The following CTSC variants were observed in gnomAD, a reference collection of about 807,000 sequenced individuals.
CTSC encodes the protein dipeptidyl peptidase 1.
Under a neutral mutation model 40.9 loss-of-function variants are expected in CTSC, and 37 were observed. The ratio of observed to expected loss-of-function variants is 0.91; its 90% CI spans 0.70 to 1.19. The LOEUF is 1.19. Among genes scored for constraint, CTSC ranks in the 50% most tolerant of loss-of-function variants. The probability of loss-of-function intolerance (pLI) is 0.00; values close to 1 mark genes in which losing one functional copy is unlikely to be tolerated. For synonymous variants in CTSC, 232 were observed against 207.4 expected (o/e 1.12, Z -1.02); for missense variants, 594 against 567.3 (o/e 1.05, Z -0.48).
At chr11:88,324,283 C>A (rs756909283) in intron 2 of CTSC, 1 of 740,312 alleles carries the variant, frequency 1.4e-6, no homozygotes. Flanking sequence ...AAATGTAAAA[C>A]CCAAAACAAT....
At chr11:88,320,615 T>C (rs1201824380) in intron 2 of CTSC, among the ~76,000 whole-genome samples, 1 of 152,210 alleles carries the variant, frequency 6.6e-6, no homozygotes, top group Non-Finnish European at 1.5e-5. Context: ...ATCACTGTTT[T>C]TAACTCTGAG....
At chr11:88,321,128 T>C (rs996804714) in intron 2 of CTSC, 11 of 626,116 alleles carry the variant, frequency 1.8e-5, no homozygotes, top group Non-Finnish European at 2.0e-5. Context: ...CCATATTAAA[T>C]ATATATACAT....
intron 4 of CTSC, among the ~76,000 whole-genome samples, chr11:88,302,625 CAAAAAAAAAAAAAAAAAA>C (rs139973958): frequency 1.2e-5 from 1 of 80,052 alleles, no homozygotes; most frequent in Non-Finnish European, 2.3e-5. Context: ...GACTCCGCCT[CAAAAAAAAAAAAAAAAAA>C]AAAAAAAAGA....
At chr11:88,327,986 AT>A in intron 2 of CTSC, 1 of 734,808 alleles carries the variant, frequency 1.4e-6, no homozygotes, top group East Asian at 2.7e-5. Flanking sequence ...CAAGAAATTC[AT>A]AAGAAAACCA....
At chr11:88,334,717 T>C (rs558478503) in intron 2 of CTSC, 1 of 519,536 alleles carries the variant, frequency 1.9e-6, no homozygotes, top group Non-Finnish European at 3.4e-6. Flanking sequence ...ACATAATTTA[T>C]ACATATTCAA....
chr11:88,301,797 CAA>C (rs1366573892), intron 4 of CTSC, among the ~76,000 whole-genome samples: 6 of 92,050 alleles, frequency 6.5e-5, no homozygotes, highest in African/African-American at 2.4e-4. Flanking sequence ...CACACACACA[CAA>C]ACACACGCGC....
rs191579161 is a variant in CTSC at position 88,327,966 on chromosome 11, C to A, written c.318+6971G>T. On this transcript the variant is annotated intron_variant, in intron 2 of 6. Transcript: ENST00000227266. Reference sequence around the variant, plus strand: ...AGACAACTTAGAAACAGCAGACAAGCAGGCTCAAGCAAGAAATTCATAAGA... The same window carrying A: ...AGACAACTTAGAAACAGCAGACAAGAAGGCTCAAGCAAGAAATTCATAAGA... 83 of 688,498 alleles carry A rather than the reference C, an allele frequency of 1.2e-4. No homozygotes were observed. The East Asian group carries it at 2.3e-3, about 19-fold the overall frequency. The allele number at this position is 688,498 out of a possible 1,614,324, so 42.6% of individuals were successfully genotyped here. A position where few individuals can be genotyped will look rare whatever the true frequency, so the allele number is the denominator to read the frequency against.
At position 88,294,225 on chromosome 11, in the gene CTSC, A is replaced by C. The variant is rs17594; in HGVS notation, c.1173T>G (p.Thr391=). 0.049 allele frequency: 79,386 copies of C among 1,613,914 alleles called. 2,639 individuals carry two copies. Among genetic ancestry groups the C allele is most frequent in the East Asian group, 0.13 (5,645 of 44,852 alleles). The change falls in exon 7 of 7, where the codon ACT becomes ACG. Residue 391 remains threonine, a synonymous_variant. Coordinates refer to ENST00000227266, the MANE Select transcript of CTSC (RefSeq NM_001814.6). Reference sequence around the variant, plus strand: ...AGGGGTTGAAAGGGTCTCTTAGACCAGTGTGGTGGTAGATCCCCTTTTTGT... The same window carrying C: ...AGGGGTTGAAAGGGTCTCTTAGACCCGTGTGGTGGTAGATCCCCTTTTTGT... ...LHYKKGIYHH[T]GLRDPFNPFE...
At position 88,294,336 on chromosome 11, in the gene CTSC, G is replaced by A. The variant is rs778723963; in HGVS notation, c.1062C>T (p.Gly354=). Residue 354 remains glycine, a synonymous_variant, in exon 7 of 7, where the codon GGC becomes GGT. Coordinates refer to ENST00000227266, the MANE Select transcript of CTSC (RefSeq NM_001814.6). ...CAAGCTTCATCAGGGCTTCATTGCA[G>A]CCTCCATAGAAACCTCCTACATAGT... The part of the protein sequence containing the change: ...EYHYVGGFYG[G]CNEALMKLEL... 6.2e-7 allele frequency: 1 copy of A among 1,614,118 alleles called. No homozygotes were observed. The highest frequency in any genetic ancestry group is 1.7e-5 in the Admixed American group (1 of 60,008).
chr11:88,295,929 G>T (rs970408382), intron 6 of CTSC, among the ~76,000 whole-genome samples: 1 of 152,164 alleles, frequency 6.6e-6, no homozygotes, highest in Admixed American at 6.5e-5. Context: ...TCAATATATA[G>T]TAACTATTGA....
intron 2 of CTSC, among the ~76,000 whole-genome samples, chr11:88,315,103 A>G (rs1213150439): frequency 6.6e-6 from 1 of 152,110 alleles, no homozygotes; most frequent in Non-Finnish European, 1.5e-5. Context: ...TGCAACCTAA[A>G]CTCCATAAAG....
intron 2 of CTSC, chr11:88,325,606 T>C (rs1938160541): frequency 1.0e-6 from 1 of 984,870 alleles, no homozygotes; most frequent in South Asian, 4.7e-5. Context: ...TTTCTCTATC[T>C]ATAAAATGAA....
At chr11:88,319,778 TAAA>T (rs1033950189) in intron 2 of CTSC, among the ~76,000 whole-genome samples, 3 of 152,162 alleles carry the variant, frequency 2.0e-5, no homozygotes, top group African/African-American at 7.2e-5. Flanking sequence ...GAATACATAA[TAAA>T]AAATTTAGAC....
chr11:88,304,406 C>T (rs1021514679), intron 4 of CTSC, among the ~76,000 whole-genome samples: 1 of 152,190 alleles, frequency 6.6e-6, no homozygotes, highest in Non-Finnish European at 1.5e-5. Flanking sequence ...TTATCTGGCA[C>T]AAAACAGTCA....
rs183874763 is a variant in CTSC, at chr11:88,302,392, G to A, written c.642-1747C>T. Among the ~76,000 whole-genome samples the A allele has an allele frequency of 7.9e-4, 120 of 152,250 alleles. 1 individual carries two copies. The highest frequency in any genetic ancestry group is 2.8e-3 in the African/African-American group (118 of 41,546). Reference sequence around the variant, plus strand: ...TGTAATCCCAGCATTGGGAGGCCGAGGCGGGCGGATCACGAGGTCAGGAGA... The same window carrying A: ...TGTAATCCCAGCATTGGGAGGCCGAAGCGGGCGGATCACGAGGTCAGGAGA... On this transcript the variant is annotated intron_variant, in intron 4 of 6. Coordinates refer to ENST00000227266, the MANE Select transcript of CTSC (RefSeq NM_001814.6).
chr11:88,332,012 A>G (rs764207161), intron 2 of CTSC, among the ~76,000 whole-genome samples: 2 of 152,236 alleles, frequency 1.3e-5, no homozygotes, highest in Non-Finnish European at 2.9e-5. Context: ...AGCAAGAACA[A>G]TAAGAAACAA....
In CTSC at chr11:88,312,501, C is replaced by T. The variant is rs138616285; in HGVS notation, c.372G>A (p.Gly124=). ...TCCGGCCCAACACATCATGCACCCA[C>T]CCAGTCATTGTCTCGTTGCAGTAAG... ...VTTYCNETMT[G]WVHDVLGRNW... Residue 124 remains glycine, a synonymous_variant, in exon 3 of 7, where the codon GGG becomes GGA. Coordinates refer to ENST00000227266, the MANE Select transcript of CTSC (RefSeq NM_001814.6). The T allele has an allele frequency of 1.2e-6, 2 of 1,614,180 alleles. No individual in the cohort carries two copies. The highest frequency in any genetic ancestry group is 1.6e-4 in the Middle Eastern group (1 of 6,062).
At chr11:88,305,324 C>A (rs1428090843) in intron 4 of CTSC, among the ~76,000 whole-genome samples, 1 of 152,194 alleles carries the variant, frequency 6.6e-6, no homozygotes, top group Admixed American at 6.5e-5. Flanking sequence ...GCCCTAAATT[C>A]TTTCTTGCAC....
rs768130816 is a variant in CTSC, at chr11:88,312,342, T to C, written c.485+46A>G. ...AAAAATGTACACACATATTCATATA[T>C]ACTATAAAACAAAACTAAACGTATG... On this transcript the variant is annotated intron_variant, in intron 3 of 6. Transcript: ENST00000227266. The C allele has an allele frequency of 7.6e-6, 12 of 1,582,826 alleles. No individual in the cohort carries two copies. In the Admixed American group the frequency reaches 1.2e-4, roughly 15 times the overall value.
Sources: gnomAD v4.1 joint callset for allele counts (sites outside exome capture counted in the v4.1 genomes callset) on GRCh38, gnomAD v4.1.1 for gene constraint, MANE v1.5 for transcripts, NCBI Gene and HGNC (gene_info 2026-07-23, HGNC 2026-07-21) for gene names.